Variants in ANKS1B observed in about 807,000 individuals in gnomAD.
ANKS1B encodes the protein ankyrin repeat and sterile alpha motif domain containing 1B.
In ANKS1B, 36 loss-of-function variants were observed where a neutral mutation model predicts 148.3. The observed-to-expected ratio is 0.24, with a 90% CI of 0.19 to 0.32. The LOEUF (loss-of-function observed/expected upper bound fraction) is 0.32, where lower values mean the gene tolerates loss of function less well. Among genes scored for constraint, ANKS1B ranks in the 10% least tolerant of loss-of-function variants. ANKS1B has a pLI of 1.00. For missense variants in ANKS1B, 1,157 were observed against 1,542.6 expected (o/e 0.75, Z 4.19); for synonymous variants, 542 against 560.8 (o/e 0.97, Z 0.47).
At chr12:99,691,561 A>G (rs2098679592) in intron 8 of ANKS1B, among the ~76,000 whole-genome samples, 1 of 152,216 alleles carries the variant, frequency 6.6e-6, no homozygotes, top group South Asian at 2.1e-4. Context: ...AAGCATAGCA[A>G]GAGTGACCTT....
rs10526476 is a variant in ANKS1B, at chr12:99,333,854, G to GTTTTTT, written c.1756+65771_1756+65776dup. Among the ~76,000 whole-genome samples the GTTTTTT allele has an allele frequency of 5.1e-3, 546 of 107,420 alleles. 33 individuals are homozygous for GTTTTTT. Among genetic ancestry groups the GTTTTTT allele is most frequent in the African/African-American group, 0.014 (346 of 25,076 alleles). 70.5% of individuals were successfully genotyped at this position (107,420 alleles called of 152,430 possible). A position where few individuals can be genotyped will look rare whatever the true frequency, so the allele number is the denominator to read the frequency against. ...ATCAAAGTCACATTTCCAGTTCTCAGTTTTTTTTTTTTTTTTTTTTTAACA... is the reference window on the plus strand; with the variant it reads ...ATCAAAGTCACATTTCCAGTTCTCAGTTTTTTTTTTTTTTTTTTTTTTTTTTTAACA... On this transcript the variant is annotated intron_variant, in intron 12 of 26. Transcript: ENST00000683438.
chr12:99,613,438 C>G (rs2097918878), intron 9 of ANKS1B, among the ~76,000 whole-genome samples: 1 of 151,990 alleles, frequency 6.6e-6, no homozygotes, highest in Admixed American at 6.6e-5. Flanking sequence ...ATAGCAAAAA[C>G]TTGGAATCAA....
At chr12:98,785,189 G>A (rs539385281) in intron 22 of ANKS1B, among the ~76,000 whole-genome samples, 1 of 152,230 alleles carries the variant, frequency 6.6e-6, no homozygotes, top group Admixed American at 6.5e-5. Context: ...AGGCAAAGAG[G>A]CTAGGCATGG....
intron 8 of ANKS1B, among the ~76,000 whole-genome samples, chr12:99,705,682 C>T (rs936203522): frequency 1.3e-5 from 2 of 151,908 alleles, no homozygotes; most frequent in African/African-American, 4.8e-5. Flanking sequence ...GCATGGCATA[C>T]AGAAATCAAG....
At chr12:99,754,526 C>A (rs113287504) in intron 8 of ANKS1B, among the ~76,000 whole-genome samples, 1,573 of 152,232 alleles carry the variant, frequency 0.01, 41 homozygotes, top group African/African-American at 0.035. Flanking sequence ...ATTTACAGAA[C>A]TCTCCCCCAG....
intron 9 of ANKS1B, among the ~76,000 whole-genome samples, chr12:99,646,026 T>TTA (rs113628771): frequency 7.6e-6 from 1 of 131,866 alleles, no homozygotes; most frequent in African/African-American, 2.8e-5. Context: ...AGAAAATCAG[T>TTA]AAAAAAAAAA....
intron 1 of ANKS1B, among the ~76,000 whole-genome samples, chr12:99,845,150 T>C (rs2086433675): frequency 6.6e-6 from 1 of 152,224 alleles, no homozygotes; most frequent in Non-Finnish European, 1.5e-5. Flanking sequence ...TGGGGTTTTC[T>C]ACATATAGGA....
intron 9 of ANKS1B, among the ~76,000 whole-genome samples, chr12:99,515,473 C>T (rs1217200027): frequency 6.6e-6 from 1 of 152,078 alleles, no homozygotes; most frequent in Admixed American, 6.6e-5. Context: ...GTAATGACCT[C>T]CAGTTCTATC....
At chr12:99,596,465 G>T (rs190637798) in intron 9 of ANKS1B, among the ~76,000 whole-genome samples, 2 of 151,860 alleles carry the variant, frequency 1.3e-5, no homozygotes, top group Non-Finnish European at 2.9e-5. Context: ...TAGTATGTCC[G>T]CATCTTAACT....
chr12:99,868,586 T>G (rs1034593132), intron 1 of ANKS1B, among the ~76,000 whole-genome samples: 2 of 152,078 alleles, frequency 1.3e-5, no homozygotes, highest in Non-Finnish European at 2.9e-5. Flanking sequence ...TAAAAATACA[T>G]AGCAAGATTA....
At chr12:99,395,979 T>C (rs1441532012) in intron 12 of ANKS1B, among the ~76,000 whole-genome samples, 1 of 152,152 alleles carries the variant, frequency 6.6e-6, no homozygotes, top group Non-Finnish European at 1.5e-5. Flanking sequence ...CGGCATAAGC[T>C]TGGTCAGCTA....
intron 16 of ANKS1B, among the ~76,000 whole-genome samples, chr12:99,059,582 T>C (rs994095133): frequency 1.3e-5 from 2 of 152,076 alleles, no homozygotes; most frequent in African/African-American, 4.8e-5. Flanking sequence ...CTTGATTCTA[T>C]TAGCCATGTA....
intron 1 of ANKS1B, among the ~76,000 whole-genome samples, chr12:99,833,185 A>G (rs2084304829): frequency 1.3e-5 from 2 of 152,240 alleles, no homozygotes; most frequent in Non-Finnish European, 2.9e-5. Flanking sequence ...CAAAGGAAGA[A>G]AGATAGGTTT....
Position 99,790,419 on chromosome 12 carries a change from T to C in ANKS1B, c.670-8322A>G, listed in dbSNP as rs145917140. ...GAAATTAATAAGCAATAAGAAATCATTTGAAGGTGCAAAACTCACTGGTAA... is the reference window on the plus strand; with the variant it reads ...GAAATTAATAAGCAATAAGAAATCACTTGAAGGTGCAAAACTCACTGGTAA... On this transcript the variant is annotated intron_variant, in intron 4 of 26. Coordinates refer to ENST00000683438, the MANE Select transcript of ANKS1B (RefSeq NM_001352186.2). Among the ~76,000 whole-genome samples the C allele has an allele frequency of 4.2e-3, 643 of 152,200 alleles. 4 individuals are homozygous for C. The highest frequency in any genetic ancestry group is 0.014 in the Middle Eastern group (4 of 294).
At chr12:99,754,273 C>G (rs1396168415) in intron 8 of ANKS1B, among the ~76,000 whole-genome samples, 2 of 152,074 alleles carry the variant, frequency 1.3e-5, no homozygotes, top group Non-Finnish European at 2.9e-5. Flanking sequence ...GAGGGCATTA[C>G]ATAATCATAA....
At chr12:99,475,287 A>G (rs1173849939) in intron 10 of ANKS1B, among the ~76,000 whole-genome samples, 3 of 151,446 alleles carry the variant, frequency 2.0e-5, no homozygotes, top group African/African-American at 7.3e-5. Flanking sequence ...CTTAAGTTTT[A>G]AAGTAAAATA....
At chr12:98,874,038 C>T (rs1394355278) in intron 17 of ANKS1B, among the ~76,000 whole-genome samples, 3 of 152,050 alleles carry the variant, frequency 2.0e-5, no homozygotes, top group African/African-American at 2.4e-5. Context: ...AGATAATGGG[C>T]CATTATCTGT....
intron 9 of ANKS1B, among the ~76,000 whole-genome samples, chr12:99,514,997 C>T (rs1374857838): frequency 1.3e-5 from 2 of 149,972 alleles, no homozygotes; most frequent in East Asian, 2.0e-4. Context: ...TGACATTTGG[C>T]CTCTATCATT....
chr12:99,224,253 G>A (rs1322616760), intron 14 of ANKS1B, among the ~76,000 whole-genome samples: 1 of 152,148 alleles, frequency 6.6e-6, no homozygotes, highest in African/African-American at 2.4e-5. Flanking sequence ...TTCTGGAGAG[G>A]TAACAGAATA....
Sources: allele counts gnomAD v4.1 joint callset (sites outside exome capture counted in the v4.1 genomes callset), GRCh38; gene constraint gnomAD v4.1.1; transcripts MANE v1.5; gene names NCBI Gene and HGNC (gene_info 2026-07-23, HGNC 2026-07-21).